CACNA1C: variants seen among roughly 807,000 people sequenced by gnomAD.
The protein encoded by CACNA1C is voltage-dependent L-type calcium channel subunit alpha-1C.
A neutral mutation model predicts 229.0 loss-of-function variants in CACNA1C; 30 were observed. The observed-to-expected ratio is 0.13, with a 90% CI of 0.10 to 0.18. The LOEUF (loss-of-function observed/expected upper bound fraction) is 0.18. Among genes scored for constraint, CACNA1C ranks in the 10% least tolerant of loss-of-function variants. The pLI is 1.00. For synonymous variants in CACNA1C, 1,114 were observed against 1,132.5 expected, an observed-to-expected ratio of 0.98 and a Z score of 0.33; for missense variants, 1,658 against 2,845.0, an observed-to-expected ratio of 0.58 and a Z score of 9.49.
chr12:2,471,500 T>G (rs150688074), intron 5 of CACNA1C, among the ~76,000 whole-genome samples: 4 of 152,330 alleles, frequency 2.6e-5, no homozygotes, highest in African/African-American at 9.6e-5. Flanking sequence ...ATTTCTATAA[T>G]GTAGGTCTGC....
In CACNA1C at chr12:2,325,966, C is replaced by T. The variant is rs113064514; in HGVS notation, c.478-123010C>T. The stretch of plus-strand genomic sequence containing the variant: ...CCCAAGGGGCCCTTCATTCCACTCA[C>T]GGCAAACATCAGCCTGGCCAGCCCC... On this transcript the variant is annotated intron_variant, in intron 3 of 46. Coordinates refer to ENST00000399655, the MANE Select transcript of CACNA1C (RefSeq NM_000719.7). Among the ~76,000 whole-genome samples, 147 of 152,314 alleles carry T rather than the reference C, an allele frequency of 9.7e-4. 2 individuals are homozygous for T. Among genetic ancestry groups the T allele is most frequent in the African/African-American group, 3.3e-3 (138 of 41,556 alleles).
At chr12:2,096,022 G>C (rs2073792443) in intron 1 of CACNA1C, among the ~76,000 whole-genome samples, 1 of 152,178 alleles carries the variant, frequency 6.6e-6, no homozygotes, top group African/African-American at 2.4e-5. Context: ...GCTAGGCACA[G>C]AGCCACAGAG....
At chr12:2,389,066 A>G (rs2098442538) in intron 3 of CACNA1C, among the ~76,000 whole-genome samples, 1 of 152,196 alleles carries the variant, frequency 6.6e-6, no homozygotes, top group Non-Finnish European at 1.5e-5. Flanking sequence ...ATCAATGACC[A>G]GCGTAGACAG....
chr12:2,366,023 CAATT>C (rs900740960), intron 3 of CACNA1C, among the ~76,000 whole-genome samples: 1 of 152,272 alleles, frequency 6.6e-6, no homozygotes, highest in South Asian at 2.1e-4. Context: ...GACAATGAAT[CAATT>C]AATTTTTAAT....
intron 34 of CACNA1C, among the ~76,000 whole-genome samples, chr12:2,656,072 A>G (rs776303863): frequency 1.3e-5 from 2 of 152,214 alleles, no homozygotes; most frequent in Non-Finnish European, 1.5e-5. Flanking sequence ...TCTATTCAAC[A>G]TAATAATACT....
At chr12:2,540,948 G>A (rs797021058) in intron 9 of CACNA1C, among the ~76,000 whole-genome samples, 3 of 152,302 alleles carry the variant, frequency 2.0e-5, no homozygotes, top group East Asian at 1.9e-4. Context: ...AGGTGCTGGC[G>A]GGCTTGGTTC....
At chr12:2,604,885 C>T (rs2074532328) in intron 22 of CACNA1C, among the ~76,000 whole-genome samples, 196 bp from the exon 23 acceptor site, 1 of 152,194 alleles carries the variant, frequency 6.6e-6, no homozygotes, top group Admixed American at 6.5e-5. Context: ...CCCAGGGTTA[C>T]AGGCAAGCTC....
chr12:2,056,510 GA>G (rs2154512933), intron 1 of CACNA1C, among the ~76,000 whole-genome samples: 1 of 152,180 alleles, frequency 6.6e-6, no homozygotes, highest in Non-Finnish European at 1.5e-5. Context: ...AGACAAGGCA[GA>G]GGGGAGAAAC....
At chr12:2,435,013 G>A (rs1224375074) in intron 3 of CACNA1C, among the ~76,000 whole-genome samples, 2 of 152,248 alleles carry the variant, frequency 1.3e-5, no homozygotes, top group East Asian at 3.8e-4. Context: ...ACAACATCCT[G>A]GGTAGGGAGT....
intron 3 of CACNA1C, among the ~76,000 whole-genome samples, chr12:2,153,029 C>A (rs924148117): frequency 6.6e-6 from 1 of 152,184 alleles, no homozygotes; most frequent in Non-Finnish European, 1.5e-5. Flanking sequence ...CATCCAGCTG[C>A]CTTTCAGTGG....
At chr12:1,993,175 A>C (rs1193899468) in intron 1 of CACNA1C, 1 of 1,581,266 alleles carries the variant, frequency 6.3e-7, no homozygotes, top group Admixed American at 1.7e-5. Flanking sequence ...CTGATACCAA[A>C]TGCAAACACA....
Position 2,311,708 on chromosome 12 carries a change from T to C in CACNA1C, c.478-137268T>C, listed in dbSNP as rs140514303. 7.2e-5 allele frequency among the ~76,000 whole-genome samples: 11 copies of C among 152,326 alleles called. No homozygotes were observed. The East Asian group carries it at 2.1e-3, about 29-fold the overall frequency. ...CCTTAAACACGAATGGCCACATTCATGGTGGGCCTGCAGAGAAAAACCGTG... is the reference window on the plus strand; with the variant it reads ...CCTTAAACACGAATGGCCACATTCACGGTGGGCCTGCAGAGAAAAACCGTG... On this transcript the variant is annotated intron_variant, in intron 3 of 46. Transcript: ENST00000399655.
intron 3 of CACNA1C, among the ~76,000 whole-genome samples, chr12:2,271,281 C>A (rs1253245910): frequency 6.6e-6 from 1 of 152,184 alleles, no homozygotes; most frequent in African/African-American, 2.4e-5. Flanking sequence ...GAAAACATTT[C>A]TGTAGGTTTA....
intron 3 of CACNA1C, among the ~76,000 whole-genome samples, chr12:2,131,804 A>AT (rs2092283849): frequency 6.7e-6 from 1 of 149,664 alleles, no homozygotes; most frequent in Non-Finnish European, 1.5e-5. Context: ...TTTTGGTTCC[A>AT]TATGAAGTTT....
intron 3 of CACNA1C, among the ~76,000 whole-genome samples, chr12:2,258,845 A>G (rs898117797): frequency 1.3e-5 from 2 of 152,226 alleles, no homozygotes; most frequent in African/African-American, 4.8e-5. Context: ...ATTAAAATGA[A>G]TATTTAAGTT....
intron 1 of CACNA1C, among the ~76,000 whole-genome samples, chr12:2,112,547 A>G (rs2082172299): frequency 6.6e-6 from 1 of 152,028 alleles, no homozygotes; most frequent in African/African-American, 2.4e-5. Context: ...GAATGTGGCT[A>G]TGAACTGGGT....
chr12:2,591,668 G>A (rs187949934), intron 18 of CACNA1C, among the ~76,000 whole-genome samples: 5 of 152,184 alleles, frequency 3.3e-5, no homozygotes, highest in South Asian at 2.1e-4. Flanking sequence ...GAGGAAGGAC[G>A]GAGCACACAG....
chr12:2,270,541 T>A (rs975124322), intron 3 of CACNA1C, among the ~76,000 whole-genome samples: 10 of 152,140 alleles, frequency 6.6e-5, no homozygotes, highest in Non-Finnish European at 1.0e-4. Context: ...ACACGAGTAG[T>A]CTCTTTGAGT....
chr12:2,234,967 C>A (rs2066754826), intron 3 of CACNA1C, among the ~76,000 whole-genome samples: 1 of 152,128 alleles, frequency 6.6e-6, no homozygotes, highest in Non-Finnish European at 1.5e-5. Flanking sequence ...GAGGTTCTCA[C>A]AAAGGTGGCT....
Sources: allele counts gnomAD v4.1 joint callset (sites outside exome capture counted in the v4.1 genomes callset), GRCh38; gene constraint gnomAD v4.1.1; transcripts MANE v1.5; gene names NCBI Gene and HGNC (gene_info 2026-07-23, HGNC 2026-07-21).